Variants in KCNIP4 observed in about 807,000 individuals in gnomAD.
KCNIP4 encodes the protein potassium voltage-gated channel interacting protein 4.
In KCNIP4, 12 loss-of-function variants were observed where a neutral mutation model predicts 34.0. The observed-to-expected ratio is 0.35, with a 90% confidence interval of 0.23 to 0.57. The LOEUF is 0.57. KCNIP4 is among the 20% of genes least tolerant of loss of function. The probability of loss-of-function intolerance (pLI) is 0.83; values close to 1 mark genes in which losing one functional copy is unlikely to be tolerated. For missense variants in KCNIP4, 238 were observed against 311.7 expected (o/e 0.76, Z 1.78); for synonymous variants, 124 against 102.2 (o/e 1.21, Z -1.29).
intron 1 of KCNIP4, among the ~76,000 whole-genome samples, chr4:20,963,158 T>C (rs1560604790): frequency 6.7e-6 from 1 of 149,840 alleles, no homozygotes; most frequent in African/African-American, 2.5e-5. Flanking sequence ...CTGTCTTTAC[T>C]AAAAATACAA....
chr4:21,593,103 A>ATG (rs146327268), intron 1 of KCNIP4, among the ~76,000 whole-genome samples: 24,957 of 142,626 alleles, frequency 0.17, 2,316 homozygotes, highest in South Asian at 0.22. Context: ...AATTTAAATA[A>ATG]TGTGTGTGTG....
At chr4:21,198,967 G>C (rs113631674) in intron 1 of KCNIP4, among the ~76,000 whole-genome samples, 2 of 152,150 alleles carry the variant, frequency 1.3e-5, no homozygotes, top group Non-Finnish European at 2.9e-5. Flanking sequence ...GAGGAGTAAA[G>C]TACTGACACT....
At chr4:21,350,168 C>T (rs1717867558) in intron 1 of KCNIP4, among the ~76,000 whole-genome samples, 1 of 152,082 alleles carries the variant, frequency 6.6e-6, no homozygotes, top group Non-Finnish European at 1.5e-5. Flanking sequence ...CCAAAGAAAA[C>T]TGGTATGAAC....
intron 1 of KCNIP4, among the ~76,000 whole-genome samples, chr4:20,937,872 C>G (rs1253344091): frequency 6.6e-6 from 1 of 151,934 alleles, no homozygotes; most frequent in Non-Finnish European, 1.5e-5. Context: ...AAAGCCTAGT[C>G]ATAGGTTTAA....
chr4:20,762,993 T>C (rs1434820782), intron 3 of KCNIP4, among the ~76,000 whole-genome samples: 2 of 152,070 alleles, frequency 1.3e-5, no homozygotes, highest in African/African-American at 4.8e-5. Context: ...AGGAGCCCCT[T>C]ATAAAACCAT....
rs756333999 is a variant in KCNIP4 at position 21,231,121 on chromosome 4, CCTGA to C, written c.62-348416_62-348413del. Reference sequence around the variant, plus strand: ...ATGTACATCCTCATTCTTAATTTGGCCTGACTATCATAGAAATGTCTTCTCCTTT... The same window carrying C: ...ATGTACATCCTCATTCTTAATTTGGCCTATCATAGAAATGTCTTCTCCTTT... On this transcript the variant is annotated intron_variant, in intron 1 of 8. Coordinates refer to ENST00000382152, the MANE Select transcript of KCNIP4 (RefSeq NM_025221.6). Among the ~76,000 whole-genome samples, 4 of 152,168 alleles carry C rather than the reference CCTGA, an allele frequency of 2.6e-5. No individual in the cohort carries two copies. In the East Asian group the frequency reaches 5.8e-4, roughly 22 times the overall value.
chr4:20,978,010 C>T (rs1735655480), intron 1 of KCNIP4, among the ~76,000 whole-genome samples: 1 of 152,212 alleles, frequency 6.6e-6, no homozygotes, highest in Non-Finnish European at 1.5e-5. Flanking sequence ...CCCTTCCACA[C>T]AGTAATACAT....
intron 2 of KCNIP4, among the ~76,000 whole-genome samples, chr4:20,861,970 GTTA>G (rs57269885): frequency 0.32 from 44,821 of 141,892 alleles, 7,952 homozygotes; most frequent in Admixed American, 0.43. Flanking sequence ...TATGGTAGGA[GTTA>G]TTATTATTAT....
intron 1 of KCNIP4, among the ~76,000 whole-genome samples, chr4:21,534,416 T>G (rs1277069341): frequency 6.6e-6 from 1 of 152,192 alleles, no homozygotes; most frequent in Non-Finnish European, 1.5e-5. Flanking sequence ...TCATTTAATT[T>G]TAATGGGATT....
intron 1 of KCNIP4, among the ~76,000 whole-genome samples, chr4:21,138,511 C>T (rs1210668939): frequency 2.1e-5 from 3 of 143,120 alleles, no homozygotes; most frequent in Non-Finnish European, 4.5e-5. Context: ...AAAGGTAAGG[C>T]ACTTCTTTCT....
chr4:21,290,300 G>T (rs57242813), intron 1 of KCNIP4, among the ~76,000 whole-genome samples: 3 of 152,028 alleles, frequency 2.0e-5, no homozygotes, highest in South Asian at 4.2e-4. Context: ...TTCATTTTAC[G>T]TTGATAAATT....
In KCNIP4 at chr4:20,742,897, T is replaced by C. The variant is rs540129347; in HGVS notation, c.429+6765A>G. 7.6e-4 allele frequency among the ~76,000 whole-genome samples: 115 copies of C among 152,164 alleles called. 2 individuals are homozygous for C. Among genetic ancestry groups the C allele is most frequent in the African/African-American group, 2.5e-3 (103 of 41,520 alleles). On this transcript the variant is annotated intron_variant, in intron 5 of 8. Transcript: ENST00000382152. ...GGGTACAAAAATCAATGTGCAAAAA[T>C]CACAGGCATTCCTATACACCAATAA...
intron 1 of KCNIP4, among the ~76,000 whole-genome samples, chr4:21,726,834 C>T (rs535109664): frequency 1.3e-5 from 2 of 152,234 alleles, no homozygotes; most frequent in South Asian, 4.1e-4. Context: ...ATGGATCAAT[C>T]CTGATTTGTG....
intron 1 of KCNIP4, among the ~76,000 whole-genome samples, chr4:21,446,692 A>G (rs995273891): frequency 1.1e-4 from 16 of 151,940 alleles, no homozygotes; most frequent in Non-Finnish European, 8.8e-5. Context: ...GCAGCACACC[A>G]ACATGGCACA....
intron 1 of KCNIP4, among the ~76,000 whole-genome samples, chr4:21,902,105 G>T (rs1454697858): frequency 1.3e-5 from 2 of 152,080 alleles, no homozygotes; most frequent in Non-Finnish European, 2.9e-5. Context: ...TTAGAAACCT[G>T]GGGGAAGGGA....
chr4:21,833,550 A>T (rs1282177060), intron 1 of KCNIP4, among the ~76,000 whole-genome samples: 2 of 151,994 alleles, frequency 1.3e-5, no homozygotes, highest in East Asian at 3.9e-4. Context: ...TTGCCTGTTC[A>T]CTCTGATAGT....
chr4:20,732,209 C>T, intron 7 of KCNIP4, 141 bp from the exon 8 acceptor site: 1 of 635,470 alleles, frequency 1.6e-6, no homozygotes, highest in East Asian at 2.7e-5. Flanking sequence ...GAGCAGGAAC[C>T]AGCAGTTTTT....
At chr4:20,928,802 T>C (rs1201680734) in intron 1 of KCNIP4, among the ~76,000 whole-genome samples, 1 of 151,880 alleles carries the variant, frequency 6.6e-6, no homozygotes, top group African/African-American at 2.4e-5. Flanking sequence ...AAAATGATTA[T>C]AACGGGCTAT....
intron 1 of KCNIP4, among the ~76,000 whole-genome samples, chr4:21,107,427 C>T (rs370349540): frequency 6.0e-5 from 9 of 150,670 alleles, no homozygotes; most frequent in Non-Finnish European, 2.9e-5. Flanking sequence ...CAACCCCTGC[C>T]TTTTTTTTGT....
Sources: gnomAD v4.1 joint callset for allele counts (sites outside exome capture counted in the v4.1 genomes callset) on GRCh38, gnomAD v4.1.1 for gene constraint, MANE v1.5 for transcripts, NCBI Gene and HGNC (gene_info 2026-07-23, HGNC 2026-07-21) for gene names.